The following NDUFS4 variants were observed in gnomAD, a reference collection of about 807,000 sequenced individuals.
NDUFS4 encodes NADH dehydrogenase [ubiquinone] iron-sulfur protein 4, mitochondrial.
NDUFS4 carries 28 observed loss-of-function variants against 24.3 expected under a neutral mutation model. The observed-to-expected ratio is 1.15, with a 90% CI of 0.85 to 1.58. The LOEUF (loss-of-function observed/expected upper bound fraction) is 1.58, where lower values mean the gene tolerates loss of function less well. Ranked by LOEUF, NDUFS4 falls within the 40% of genes most tolerant of loss-of-function variation. The pLI, the probability that NDUFS4 is intolerant of heterozygous loss-of-function variation, is 0.00. For missense variants in NDUFS4, 223 were observed against 207.9 expected, an observed-to-expected ratio of 1.07 and a Z score of -0.45; for synonymous variants, 93 against 69.7, an observed-to-expected ratio of 1.34 and a Z score of -1.67.
intron 1 of NDUFS4, among the ~76,000 whole-genome samples, chr5:53,584,769 C>T (rs1461047890): frequency 1.4e-5 from 2 of 143,028 alleles, no homozygotes; most frequent in African/African-American, 2.6e-5. Flanking sequence ...AAAATGTTTT[C>T]TGTTTTTGTT....
intron 1 of NDUFS4, among the ~76,000 whole-genome samples, chr5:53,600,403 G>C (rs1308780533): frequency 6.6e-5 from 10 of 151,984 alleles, no homozygotes; most frequent in Non-Finnish European, 1.5e-5. Flanking sequence ...TCTGCCTCCA[G>C]GTTCAAGAGA....
chr5:53,631,552 G>A (rs146991092), intron 2 of NDUFS4, among the ~76,000 whole-genome samples: 3 of 152,310 alleles, frequency 2.0e-5, no homozygotes, highest in African/African-American at 7.2e-5. Flanking sequence ...CCTGACTGGG[G>A]CTGCTTGCCT....
At chr5:53,650,155 A>G (rs1045453674) in intron 3 of NDUFS4, among the ~76,000 whole-genome samples, 5 of 152,212 alleles carry the variant, frequency 3.3e-5, no homozygotes, top group Non-Finnish European at 7.3e-5. Flanking sequence ...GACTCACCGT[A>G]GTAATACATT....
Position 53,582,893 on chromosome 5 carries a change from A to G in NDUFS4, c.99-20559A>G, listed in dbSNP as rs553813589. Among the ~76,000 whole-genome samples, 4 of 152,290 alleles carry G rather than the reference A, an allele frequency of 2.6e-5. No homozygotes were observed. The South Asian group carries it at 8.3e-4, about 32-fold the overall frequency. ...AAAACTAATGCACAGCAGCATCTCC[A>G]TAAGCAGTATAGCATATATTTTTTT... On this transcript the variant is annotated intron_variant, in intron 1 of 4. Coordinates refer to ENST00000296684, the MANE Select transcript of NDUFS4 (RefSeq NM_002495.4).
intron 1 of NDUFS4, among the ~76,000 whole-genome samples, chr5:53,592,498 A>G (rs1011002682): frequency 2.0e-5 from 3 of 152,138 alleles, no homozygotes; most frequent in African/African-American, 4.8e-5. Flanking sequence ...TTTCTCTTAC[A>G]TTATCTTTGA....
At chr5:53,650,152 C>T (rs948434422) in intron 3 of NDUFS4, among the ~76,000 whole-genome samples, 2 of 152,030 alleles carry the variant, frequency 1.3e-5, no homozygotes, top group Non-Finnish European at 2.9e-5. Context: ...CCAGACTCAC[C>T]GTAGTAATAC....
At chr5:53,583,738 A>T (rs923035905) in intron 1 of NDUFS4, among the ~76,000 whole-genome samples, 1 of 152,146 alleles carries the variant, frequency 6.6e-6, no homozygotes, top group Non-Finnish European at 1.5e-5. Context: ...AATTACTGGG[A>T]GTTGATGGGT....
intron 4 of NDUFS4, among the ~76,000 whole-genome samples, chr5:53,678,834 C>T (rs1740562502): frequency 1.3e-5 from 2 of 152,120 alleles, no homozygotes; most frequent in African/African-American, 4.8e-5. Context: ...AGCATACATG[C>T]TTAATGTCCT....
chr5:53,629,653 C>T (rs368654126), intron 2 of NDUFS4, among the ~76,000 whole-genome samples: 6 of 151,916 alleles, frequency 3.9e-5, no homozygotes, highest in African/African-American at 7.2e-5. Context: ...TTGTCTTTTT[C>T]GATCTTTGTT....
intron 1 of NDUFS4, among the ~76,000 whole-genome samples, chr5:53,561,597 A>C (rs1455224158): frequency 6.6e-6 from 1 of 151,582 alleles, no homozygotes; most frequent in Non-Finnish European, 1.5e-5. Flanking sequence ...TACTAATGCT[A>C]TACGTACATA....
chr5:53,571,913 A>G (rs1159221257), intron 1 of NDUFS4, among the ~76,000 whole-genome samples: 3 of 152,186 alleles, frequency 2.0e-5, no homozygotes, highest in Non-Finnish European at 4.4e-5. Flanking sequence ...TTCCTAAAAT[A>G]TTCTGGATAC....
chr5:53,588,056 T>TA (rs1449232703), intron 1 of NDUFS4, among the ~76,000 whole-genome samples: 12 of 152,172 alleles, frequency 7.9e-5, no homozygotes, highest in Admixed American at 7.9e-4. Context: ...GCTTTGGAGA[T>TA]ACTGCAGGTT....
chr5:53,580,751 CTTTCTCTTTCTTTCT>C (rs1749539901), intron 1 of NDUFS4, among the ~76,000 whole-genome samples: 2 of 139,096 alleles, frequency 1.4e-5, no homozygotes, highest in Non-Finnish European at 3.1e-5. Flanking sequence ...CCTTTCCTTC[CTTTCTCTTTCTTTCT>C]TTCTTTCTCT....
chr5:53,601,138 C>T (rs1374479519), intron 1 of NDUFS4, among the ~76,000 whole-genome samples: 1 of 151,578 alleles, frequency 6.6e-6, no homozygotes, highest in Non-Finnish European at 1.5e-5. Flanking sequence ...CGAGTAGCTG[C>T]GACTACAGGG....
chr5:53,682,265 G>A (rs565068416), intron 4 of NDUFS4, among the ~76,000 whole-genome samples: 7 of 152,130 alleles, frequency 4.6e-5, no homozygotes, highest in Non-Finnish European at 7.4e-5. Flanking sequence ...TGCAGAAAAT[G>A]TAGACATACA....
Position 53,675,428 on chromosome 5 carries a change from C to T in NDUFS4, c.425-7690C>T, listed in dbSNP as rs182129504. On this transcript the variant is annotated intron_variant, in intron 4 of 4. Transcript: ENST00000296684. ...CCGCCCGCCTTGGCCTCCCAAAGTG[C>T]TGGGATTACAGGCGTGAGCCACCAC... 6.4e-3 allele frequency among the ~76,000 whole-genome samples: 970 copies of T among 152,262 alleles called. 12 individuals are homozygous for T. The highest frequency in any genetic ancestry group is 0.022 in the African/African-American group (897 of 41,566).
At chr5:53,650,145 G>C (rs892580680) in intron 3 of NDUFS4, among the ~76,000 whole-genome samples, 2 of 152,198 alleles carry the variant, frequency 1.3e-5, no homozygotes, top group Non-Finnish European at 2.9e-5. Context: ...CTATTCCCCA[G>C]ACTCACCGTA....
chr5:53,650,777 C>T (rs1751992923), intron 3 of NDUFS4, among the ~76,000 whole-genome samples: 1 of 152,168 alleles, frequency 6.6e-6, no homozygotes, highest in African/African-American at 2.4e-5. Flanking sequence ...CCTGGAAGCG[C>T]ATTAGTGGAT....
At chr5:53,616,382 C>T (rs1750840605) in intron 2 of NDUFS4, among the ~76,000 whole-genome samples, 1 of 151,924 alleles carries the variant, frequency 6.6e-6, no homozygotes, top group Non-Finnish European at 1.5e-5. Context: ...AAAAACAAAG[C>T]TAGGTGATGA....
Sources: gnomAD v4.1 joint callset for allele counts (sites outside exome capture counted in the v4.1 genomes callset) on GRCh38, gnomAD v4.1.1 for gene constraint, MANE v1.5 for transcripts, NCBI Gene and HGNC (gene_info 2026-07-23, HGNC 2026-07-21) for gene names.